Variants in COBL observed in about 807,000 individuals in gnomAD.
COBL encodes cordon-bleu WH2 repeat protein.
Under a neutral mutation model 98.8 loss-of-function variants are expected in COBL, and 51 were observed. That is an observed-to-expected ratio of 0.52 (90% CI 0.41 to 0.65). COBL has a LOEUF of 0.65. Ranked by LOEUF, COBL falls within the 30% of genes least tolerant of loss-of-function variation. COBL has a pLI of 0.00. For synonymous variants in COBL, 634 were observed against 651.7 expected (o/e 0.97, Z 0.41); for missense variants, 1,617 against 1,617.5 (o/e 1.00, Z 0.01).
rs773884589 is a variant in COBL at position 51,214,415 on chromosome 7, G to A, written c.245+5326C>T. On this transcript the variant is annotated intron_variant, in intron 2 of 12. Coordinates refer to ENST00000265136, the MANE Select transcript of COBL (RefSeq NM_015198.5). Reference sequence around the variant, plus strand: ...CAGTTACCCTGTCCAGATGGGATGTGTTACCTGGACAGGTGTGAACAGGCG... The same window carrying A: ...CAGTTACCCTGTCCAGATGGGATGTATTACCTGGACAGGTGTGAACAGGCG... Among the ~76,000 whole-genome samples, 40 of 152,212 alleles carry A rather than the reference G, an allele frequency of 2.6e-4. 1 individual carries two copies. Among genetic ancestry groups the A allele is most frequent in the Non-Finnish European group, 7.3e-5 (5 of 68,040 alleles).
Position 51,017,583 on chromosome 7 carries a change from G to A in COBL, c.3769-15C>T, listed in dbSNP as rs1432004676. 10 of 1,613,736 alleles carry A rather than the reference G, an allele frequency of 6.2e-6. No homozygotes were observed. In the Admixed American group the frequency reaches 1.3e-4, roughly 22 times the overall value. On this transcript the variant is annotated splice_polypyrimidine_tract_variant and intron_variant, in intron 12 of 12. Coordinates refer to ENST00000265136, the MANE Select transcript of COBL (RefSeq NM_015198.5). ...AGCAAGGGCACCTGCAGGGAAGAGA[G>A]ATTCACAGTTATTTGGTATGTCAAT...
intron 5 of COBL, among the ~76,000 whole-genome samples, chr7:51,178,595 G>A (rs1365344387): frequency 6.6e-6 from 1 of 152,096 alleles, no homozygotes; most frequent in Admixed American, 6.6e-5. Context: ...CACTCACCGT[G>A]TCTTTATTAG....
Position 51,025,247 on chromosome 7 carries a change from G to A in COBL, c.3630C>T (p.Pro1210=), listed in dbSNP as rs764298231. 2 of 1,608,930 alleles carry A rather than the reference G, an allele frequency of 1.2e-6. No homozygotes were observed. The highest frequency in any genetic ancestry group is 1.1e-5 in the South Asian group (1 of 90,812). The change falls in exon 12 of 13, where the codon CCC becomes CCT. Residue 1210 remains proline (P), a synonymous_variant. Coordinates refer to ENST00000265136, the MANE Select transcript of COBL (RefSeq NM_015198.5). ...LLSPPAIPPP[P]PPPSQALSAP... Reference sequence around the variant, plus strand: ...CAGAGAGAGCCTGGGAGGGTGGAGGGGGTGGTGGGGGAATGGCTGGTGGGG... The same window carrying A: ...CAGAGAGAGCCTGGGAGGGTGGAGGAGGTGGTGGGGGAATGGCTGGTGGGG...
intron 2 of COBL, among the ~76,000 whole-genome samples, chr7:51,199,653 T>C (rs1790931063): frequency 6.6e-6 from 1 of 151,674 alleles, no homozygotes; most frequent in Non-Finnish European, 1.5e-5. Context: ...CAAACAGAAA[T>C]CTTGCAGCTG....
At position 51,156,145 on chromosome 7, in the gene COBL, G is replaced by C. The variant is rs1361236808; in HGVS notation, c.784-19814C>G. On this transcript the variant is annotated intron_variant, in intron 5 of 12. Transcript: ENST00000265136. ...ACAAATATCAAAGACAGTCCACTTA[G>C]GATATATCACTAAATGTTGATTTTT... The C allele has an allele frequency of 5.1e-6, 5 of 980,340 alleles. No individual in the cohort carries two copies. The South Asian group carries it at 1.4e-4, about 28-fold the overall frequency. 60.7% of individuals were successfully genotyped at this position (980,340 alleles called of 1,614,324 possible).
intron 6 of COBL, among the ~76,000 whole-genome samples, chr7:51,100,531 A>G (rs73695300): frequency 0.084 from 12,775 of 152,288 alleles, 622 homozygotes; most frequent in Middle Eastern, 0.17. Flanking sequence ...GGCTGTAATA[A>G]TAACGACATA....
At chr7:51,066,361 A>G (rs1245761076) in intron 7 of COBL, among the ~76,000 whole-genome samples, 2 of 152,174 alleles carry the variant, frequency 1.3e-5, no homozygotes, top group African/African-American at 4.8e-5. Flanking sequence ...CTCTGTGGAC[A>G]CAGGGAATGG....
intron 1 of COBL, among the ~76,000 whole-genome samples, chr7:51,275,742 C>T (rs1179854878): frequency 6.6e-6 from 1 of 152,210 alleles, no homozygotes; most frequent in Admixed American, 6.5e-5. Context: ...GTCCCAACAA[C>T]GGTGAAAACA....
At chr7:51,071,743 T>C (rs1452107644) in intron 7 of COBL, 1 of 152,216 alleles carries the variant, frequency 6.6e-6, no homozygotes, top group Non-Finnish European at 1.5e-5. Flanking sequence ...ACACAAATGC[T>C]TATTGCTGTA....
At chr7:51,127,545 ATGT>A (rs1210630398) in intron 6 of COBL, among the ~76,000 whole-genome samples, 1 of 152,202 alleles carries the variant, frequency 6.6e-6, no homozygotes, top group Admixed American at 6.5e-5. Context: ...CGGGGAAAGG[ATGT>A]TGTTGTGGGA....
chr7:51,055,616 G>A (rs1790668442), intron 7 of COBL, among the ~76,000 whole-genome samples: 1 of 152,206 alleles, frequency 6.6e-6, no homozygotes, highest in African/African-American at 2.4e-5. Context: ...ATGAGTTTCT[G>A]ATTCAGTGGG....
intron 5 of COBL, among the ~76,000 whole-genome samples, chr7:51,174,605 A>C (rs192524373): frequency 3.9e-4 from 59 of 152,246 alleles, no homozygotes; most frequent in Non-Finnish European, 5.9e-5. Context: ...CTCCAGTCTA[A>C]CTGATGCCAA....
In COBL at chr7:51,028,586, G is replaced by C; in HGVS notation, c.2510C>G (p.Pro837Arg). The C allele has an allele frequency of 2.5e-6, 4 of 1,614,200 alleles. No homozygotes were observed. The highest frequency in any genetic ancestry group is 3.4e-6 in the Non-Finnish European group (4 of 1,180,032). ...NPLGEGRNQP[P>R]TMGMGHVRVP... ...CCTCACGTGACCCATGCCCATGGTG[G>C]GGGGCTGGTTTCTCCCCTCCCCTAG... Residue 837 changes from proline (P) to arginine (R), a missense_variant, in exon 10 of 13, where the codon CCC becomes CGC. Pro to Arg is a moderately radical substitution (Grantham distance 103). Transcript: ENST00000265136.
chr7:51,108,314 C>CTG (rs35953887), intron 6 of COBL, among the ~76,000 whole-genome samples: 75,273 of 151,968 alleles, frequency 0.5, 18,786 homozygotes, highest in East Asian at 0.6. Flanking sequence ...TCATCCGCTG[C>CTG]TGTGTGGCTC....
chr7:51,237,914 A>C (rs1409006671), intron 1 of COBL, among the ~76,000 whole-genome samples: 3 of 152,360 alleles, frequency 2.0e-5, no homozygotes, highest in Non-Finnish European at 4.4e-5. Flanking sequence ...TACACCTGGA[A>C]GTCCAGCCCA....
intron 5 of COBL, among the ~76,000 whole-genome samples, chr7:51,180,413 C>T (rs74317733): frequency 0.013 from 2,012 of 152,244 alleles, 44 homozygotes; most frequent in African/African-American, 0.046. Context: ...CAGGTATTAC[C>T]GGCACAGTTA....
chr7:51,056,050 T>C (rs955548148), intron 7 of COBL, among the ~76,000 whole-genome samples: 3 of 152,160 alleles, frequency 2.0e-5, no homozygotes, highest in African/African-American at 7.2e-5. Context: ...AAGTTACAAA[T>C]GTCATTTTTC....
At chr7:51,220,224 A>G (rs1053444521) in intron 1 of COBL, among the ~76,000 whole-genome samples, 2 of 152,118 alleles carry the variant, frequency 1.3e-5, no homozygotes, top group African/African-American at 4.8e-5. Context: ...GGTCAAGGGG[A>G]GGGTGGGTGC....
chr7:51,017,953 C>T (rs1440494302), intron 12 of COBL, among the ~76,000 whole-genome samples: 7 of 152,180 alleles, frequency 4.6e-5, no homozygotes, highest in African/African-American at 1.2e-4. Flanking sequence ...TGATGTGGGA[C>T]GAGTTACCCT....
Sources: gnomAD v4.1 joint callset for allele counts (sites outside exome capture counted in the v4.1 genomes callset) on GRCh38, gnomAD v4.1.1 for gene constraint, MANE v1.5 for transcripts, NCBI Gene and HGNC (gene_info 2026-07-23, HGNC 2026-07-21) for gene names.